Variants in ASB18 observed in about 807,000 individuals in gnomAD.
The protein encoded by ASB18 is ankyrin repeat and SOCS box containing 18.
A neutral mutation model predicts 33.4 loss-of-function variants in ASB18; 33 were observed. The observed-to-expected ratio is 0.99, with a 90% CI of 0.75 to 1.32. The LOEUF is 1.32. ASB18 is among the 40% of genes most tolerant of loss of function. The probability of loss-of-function intolerance (pLI) is 0.00; values close to 1 mark genes in which losing one functional copy is unlikely to be tolerated. For synonymous variants in ASB18, 295 were observed against 307.6 expected, an observed-to-expected ratio of 0.96 and a Z score of 0.43; for missense variants, 694 against 655.5, an observed-to-expected ratio of 1.06 and a Z score of -0.64.
In ASB18 at chr2:236,262,211, C is replaced by T. The variant is rs192956551; in HGVS notation, c.205+1930G>A. On this transcript the variant is annotated intron_variant, in intron 1 of 5. Transcript: ENST00000409749. This position sits in a 1 kb window ranked among gnomAD's most constrained non-coding sequence, Gnocchi z 5.2. Reference sequence around the variant, plus strand: ...GATTCCCAATACACAAATCTTCAACCGGCTGGGACTGGTTTATGAAGGAAG... The same window carrying T: ...GATTCCCAATACACAAATCTTCAACTGGCTGGGACTGGTTTATGAAGGAAG... Among the ~76,000 whole-genome samples, 247 of 152,298 alleles carry T rather than the reference C, an allele frequency of 1.6e-3. 1 individual carries two copies. Among genetic ancestry groups the T allele is most frequent in the Non-Finnish European group, 1.7e-3 (115 of 68,028 alleles).
Position 236,241,382 on chromosome 2 carries a change from G to T in ASB18, c.226C>A (p.Pro76Thr). 6.2e-7 allele frequency: 1 copy of T among 1,613,948 alleles called. No individual in the cohort carries two copies. Among genetic ancestry groups the T allele is most frequent in the African/African-American group, 1.3e-5 (1 of 75,030 alleles). Residue 76 changes from proline (P) to threonine (T), a missense_variant, in exon 2 of 6, where the codon CCC becomes ACC. Physicochemically the swap from Pro to Thr is conservative, Grantham distance 38. Coordinates refer to ENST00000409749, the MANE Select transcript of ASB18 (RefSeq NM_212556.4). This position sits in a 1 kb window ranked among gnomAD's most constrained non-coding sequence, Gnocchi z 4.2. ...TCCTGGAAGAACTGGTCCATGAGGG[G>T]CTTCAGATGGTCGAGGTCCCCTGCG... The part of the protein sequence containing the change: ...MLLGDLDHLK[P>T]LMDQFFQDAN...
At position 236,214,323 on chromosome 2, in the gene ASB18, C is replaced by T. The variant is rs1346926464; in HGVS notation, c.1101+39G>A. 1 of 1,542,926 alleles carries T rather than the reference C, an allele frequency of 6.5e-7. No homozygotes were observed. The highest frequency in any genetic ancestry group is 8.7e-7 in the Non-Finnish European group (1 of 1,147,566). On this transcript the variant is annotated intron_variant, in intron 4 of 5. Transcript: ENST00000409749. The surrounding 1 kb of genome is among the most constrained non-coding windows in gnomAD (Gnocchi z 6.5). The stretch of plus-strand genomic sequence containing the variant: ...CCAGGCCGGTCACTAAGTGGCAAAA[C>T]TCCAGGGCACGTGCCAGCCGGGCTG...
chr2:236,262,890 G>A lies in ASB18; in HGVS notation c.205+1251C>T, dbSNP rs2060726222. ...GAAAGTAGACCCAAACCAAGGGGGG[G>A]GGGCGGACCCCCTCGGAAGTTCCAA... On this transcript the variant is annotated intron_variant, in intron 1 of 5. Coordinates refer to ENST00000409749, the MANE Select transcript of ASB18 (RefSeq NM_212556.4). This position sits in a 1 kb window ranked among gnomAD's most constrained non-coding sequence, Gnocchi z 5.2. 6.6e-6 allele frequency among the ~76,000 whole-genome samples: 1 copy of A among 152,180 alleles called. No individual in the cohort carries two copies. Among genetic ancestry groups the A allele is most frequent in the African/African-American group, 2.4e-5 (1 of 41,450 alleles).
chr2:236,235,404 C>G lies in ASB18; in HGVS notation c.596+2285G>C, dbSNP rs1194749460. Among the ~76,000 whole-genome samples, 1 of 152,178 alleles carries G rather than the reference C, an allele frequency of 6.6e-6. No individual in the cohort carries two copies. The highest frequency in any genetic ancestry group is 1.5e-5 in the Non-Finnish European group (1 of 68,040). On this transcript the variant is annotated intron_variant, in intron 3 of 5. Transcript: ENST00000409749. The surrounding 1 kb of genome is among the most constrained non-coding windows in gnomAD (Gnocchi z 6.2). ...CCATCCTGGTTTGTGTAAATATACT[C>G]TATGATGTTTACACAATGATGAAAC...
In ASB18 at chr2:236,250,451, G is replaced by C. The variant is rs143160044; in HGVS notation, c.206-9049C>G. ...TGGAAGTGTCCAAGTGGACAGACAG[G>C]GGCAGGAAGTCATTACTCTTGTGGA... On this transcript the variant is annotated intron_variant, in intron 1 of 5. Coordinates refer to ENST00000409749, the MANE Select transcript of ASB18 (RefSeq NM_212556.4). This position sits in a 1 kb window ranked among gnomAD's most constrained non-coding sequence, Gnocchi z 4.1. 1.3e-5 allele frequency: 2 copies of C among 152,364 alleles called. No homozygotes were observed. The highest frequency in any genetic ancestry group is 4.8e-5 in the African/African-American group (2 of 41,580). The allele number at this position is 152,364 out of a possible 1,614,324, so 9.4% of individuals were successfully genotyped here. A position where few individuals can be genotyped will look rare whatever the true frequency, so the allele number is the denominator to read the frequency against.
Position 236,242,488 on chromosome 2 carries a change from G to A in ASB18, c.206-1086C>T, listed in dbSNP as rs371422569. Among the ~76,000 whole-genome samples the A allele has an allele frequency of 2.8e-4, 42 of 152,246 alleles. No homozygotes were observed. In the East Asian group the frequency reaches 7.0e-3, roughly 25 times the overall value. Reference sequence around the variant, plus strand: ...TGAATTGTTTGTACATTTATAAATAGTTGGGAAAAATCAAAAGAAGAATAA... The same window carrying A: ...TGAATTGTTTGTACATTTATAAATAATTGGGAAAAATCAAAAGAAGAATAA... On this transcript the variant is annotated intron_variant, in intron 1 of 5. Coordinates refer to ENST00000409749, the MANE Select transcript of ASB18 (RefSeq NM_212556.4).
chr2:236,207,024 G>C (rs909773029), intron 4 of ASB18, among the ~76,000 whole-genome samples: 6 of 152,152 alleles, frequency 3.9e-5, no homozygotes, highest in African/African-American at 1.4e-4. Flanking sequence ...AGACAAAAGA[G>C]AGAAATACCC....
At position 236,263,157 on chromosome 2, in the gene ASB18, C is replaced by A. The variant is rs141900912; in HGVS notation, c.205+984G>T. On this transcript the variant is annotated intron_variant, in intron 1 of 5. Coordinates refer to ENST00000409749, the MANE Select transcript of ASB18 (RefSeq NM_212556.4). This position sits in a 1 kb window ranked among gnomAD's most constrained non-coding sequence, Gnocchi z 4.0. ...TGACAAGCTGGGAAACAGCACAATA[C>A]AACTAAAAGTAAATCACAGGTCAGG... Among the ~76,000 whole-genome samples, 1 of 152,204 alleles carries A rather than the reference C, an allele frequency of 6.6e-6. No individual in the cohort carries two copies. The highest frequency in any genetic ancestry group is 1.5e-5 in the Non-Finnish European group (1 of 68,042).
At chr2:236,261,059 C>T (rs926463149) in intron 1 of ASB18, among the ~76,000 whole-genome samples, 27 of 152,322 alleles carry the variant, frequency 1.8e-4, no homozygotes, top group African/African-American at 6.5e-4. Flanking sequence ...ACAGTTCCCT[C>T]TTGTTTCTAT....
At chr2:236,197,026 T>C (rs1304476940) in intron 4 of ASB18, among the ~76,000 whole-genome samples, 1 of 150,208 alleles carries the variant, frequency 6.7e-6, no homozygotes, top group Non-Finnish European at 1.5e-5. Context: ...TGAACCTTCA[T>C]ACAAAAAAGT....
At position 236,264,219 on chromosome 2, in the gene ASB18, C is replaced by A. The variant is rs752926013; in HGVS notation, c.127G>T (p.Val43Leu). The change falls in exon 1 of 6, where the codon GTG becomes TTG. Residue 43 changes from valine (V) to leucine (L), a missense_variant. Physicochemically the swap from Val to Leu is conservative, Grantham distance 32. Coordinates refer to ENST00000409749, the MANE Select transcript of ASB18 (RefSeq NM_212556.4). This position sits in a 1 kb window ranked among gnomAD's most constrained non-coding sequence, Gnocchi z 5.1. ...RDLICTEITP[V>L]DAVIELANDD... ...TTGGCCAGTTCTATCACAGCGTCCA[C>A]AGGCGTGATTTCAGTGCAGATTAAA... 6 of 1,614,004 alleles carry A rather than the reference C, an allele frequency of 3.7e-6. No homozygotes were observed. Among genetic ancestry groups the A allele is most frequent in the Admixed American group, 1.7e-5 (1 of 60,022 alleles).
At chr2:236,243,267 T>C (rs1576409103) in intron 1 of ASB18, among the ~76,000 whole-genome samples, 3 of 148,284 alleles carry the variant, frequency 2.0e-5, no homozygotes, top group African/African-American at 7.6e-5. Context: ...GAGACGGAGC[T>C]TGCAGTGAGC....
At position 236,226,397 on chromosome 2, in the gene ASB18, T is replaced by C. The variant is rs2060538158; in HGVS notation, c.596+11292A>G. Among the ~76,000 whole-genome samples the C allele has an allele frequency of 6.6e-6, 1 of 151,728 alleles. No individual in the cohort carries two copies. Among genetic ancestry groups the C allele is most frequent in the South Asian group, 2.1e-4 (1 of 4,768 alleles). The stretch of plus-strand genomic sequence containing the variant: ...AAACAGCCAAAGGGAAAGACTCCCA[T>C]AGAGCGACACAGAGAAGAGAAAATG... On this transcript the variant is annotated intron_variant, in intron 3 of 5. Transcript: ENST00000409749. The surrounding 1 kb of genome is among the most constrained non-coding windows in gnomAD (Gnocchi z 4.8).
chr2:236,224,468 G>C (rs1277100136), intron 3 of ASB18, among the ~76,000 whole-genome samples: 1 of 152,134 alleles, frequency 6.6e-6, no homozygotes, highest in Non-Finnish European at 1.5e-5. Context: ...TTGAGGGGCA[G>C]GGAAGGGGAC....
In ASB18 at chr2:236,262,057, A is replaced by G. The variant is rs776783912; in HGVS notation, c.205+2084T>C. Among the ~76,000 whole-genome samples, 13 of 152,242 alleles carry G rather than the reference A, an allele frequency of 8.5e-5. No individual in the cohort carries two copies. The highest frequency in any genetic ancestry group is 3.1e-4 in the African/African-American group (13 of 41,454). ...GCCAAACCATATCAGTATGTAATTTATAACTGTGGAAGGAATGTAACTTTC... is the reference window on the plus strand; with the variant it reads ...GCCAAACCATATCAGTATGTAATTTGTAACTGTGGAAGGAATGTAACTTTC... On this transcript the variant is annotated intron_variant, in intron 1 of 5. Transcript: ENST00000409749. The surrounding 1 kb of genome is among the most constrained non-coding windows in gnomAD (Gnocchi z 5.2).
intron 4 of ASB18, among the ~76,000 whole-genome samples, chr2:236,212,897 T>G (rs1023474439): frequency 6.6e-6 from 1 of 152,214 alleles, no homozygotes; most frequent in African/African-American, 2.4e-5. Flanking sequence ...CCCAAAGTGC[T>G]GGGATTACAG....
At chr2:236,232,864 C>T (rs2060572648) in intron 3 of ASB18, among the ~76,000 whole-genome samples, 1 of 151,990 alleles carries the variant, frequency 6.6e-6, no homozygotes, top group Non-Finnish European at 1.5e-5. Flanking sequence ...TTAAGGAAGA[C>T]ATAATTTTAT....
In ASB18 at chr2:236,260,061, G is replaced by A. The variant is rs1421489191; in HGVS notation, c.205+4080C>T. 6.6e-6 allele frequency among the ~76,000 whole-genome samples: 1 copy of A among 152,180 alleles called. No individual in the cohort carries two copies. The highest frequency in any genetic ancestry group is 6.5e-5 in the Admixed American group (1 of 15,282). On this transcript the variant is annotated intron_variant, in intron 1 of 5. Coordinates refer to ENST00000409749, the MANE Select transcript of ASB18 (RefSeq NM_212556.4). This position sits in a 1 kb window ranked among gnomAD's most constrained non-coding sequence, Gnocchi z 5.1. ...GGTGGGAGTAGTAAGTTCACAGGCC[G>A]ATGAGCATGGTGATTGCACTGCAAG...
chr2:236,196,874 C>T lies in ASB18; in HGVS notation c.1102-489G>A, dbSNP rs116002056. On this transcript the variant is annotated intron_variant, in intron 4 of 5. Transcript: ENST00000409749. The surrounding 1 kb of genome is among the most constrained non-coding windows in gnomAD (Gnocchi z 5.6). ...GAATTTCCTCTTGACTTGGCATTTC[C>T]GTTTTATTTTCACAGTCCCCACTGG... Among the ~76,000 whole-genome samples the T allele has an allele frequency of 4.7e-3, 718 of 152,302 alleles. 9 individuals carry two copies. Among genetic ancestry groups the T allele is most frequent in the African/African-American group, 0.017 (695 of 41,566 alleles).
Sources: allele counts gnomAD v4.1 joint callset (sites outside exome capture counted in the v4.1 genomes callset), GRCh38; gene constraint gnomAD v4.1.1; non-coding constraint Gnocchi (gnomAD v3.1); transcripts MANE v1.5; gene names NCBI Gene and HGNC (gene_info 2026-07-23, HGNC 2026-07-21).